Variants in TLN2 observed in about 807,000 individuals in gnomAD.
TLN2 encodes the protein talin 2, also known as talin-2.
In TLN2, 118 loss-of-function variants were observed where a neutral mutation model predicts 294.7. That is an observed-to-expected ratio of 0.40 (90% CI 0.34 to 0.47). The LOEUF (loss-of-function observed/expected upper bound fraction) is 0.47. Among genes scored for constraint, TLN2 ranks in the 20% least tolerant of loss-of-function variants. The pLI is 0.84. For synonymous variants in TLN2, 1,431 were observed against 1,304.5 expected, an observed-to-expected ratio of 1.10 and a Z score of -2.09; for missense variants, 3,083 against 3,282.2, an observed-to-expected ratio of 0.94 and a Z score of 1.48.
chr15:62,427,968 T>C (rs900462557), intron 1 of TLN2, among the ~76,000 whole-genome samples: 3 of 152,196 alleles, frequency 2.0e-5, no homozygotes. Context: ...ATATGACACA[T>C]ATCTTCCTCA....
chr15:62,493,092 G>A lies in TLN2; in HGVS notation c.-237-96595G>A, dbSNP rs1325503841. Among the ~76,000 whole-genome samples, 3 of 152,140 alleles carry A rather than the reference G, an allele frequency of 2.0e-5. No homozygotes were observed. In the South Asian group the frequency reaches 6.2e-4, roughly 32 times the overall value. ...TGGGGGTGCTTGGTCGGATGTTCAT[G>A]GTTCAGGGAGGGACAGATGAAGGGC... On this transcript the variant is annotated intron_variant, in intron 1 of 58. Transcript: ENST00000636159.
At chr15:62,730,223 G>A (rs954809593) in intron 28 of TLN2, among the ~76,000 whole-genome samples, 7 of 151,904 alleles carry the variant, frequency 4.6e-5, no homozygotes, top group Admixed American at 2.0e-4. Flanking sequence ...TGTATTTTTA[G>A]TAGAGACGGG....
At chr15:62,638,777 G>C (rs575321330) in intron 3 of TLN2, among the ~76,000 whole-genome samples, 1 of 152,166 alleles carries the variant, frequency 6.6e-6, no homozygotes, top group East Asian at 1.9e-4. Context: ...TCTGTGTCAG[G>C]TACTTTATTG....
At chr15:62,629,009 C>T (rs1416622480) in intron 3 of TLN2, among the ~76,000 whole-genome samples, 4 of 151,968 alleles carry the variant, frequency 2.6e-5, no homozygotes, top group African/African-American at 7.3e-5. Context: ...CCAGCCTGGA[C>T]AATGTAGTGA....
At chr15:62,728,170 A>G (rs1432317392) in intron 28 of TLN2, among the ~76,000 whole-genome samples, 1 of 152,144 alleles carries the variant, frequency 6.6e-6, no homozygotes, top group African/African-American at 2.4e-5. Context: ...TTAAACGCTC[A>G]TGGCTTTTAA....
chr15:62,778,326 G>A (rs1211861088), intron 43 of TLN2, among the ~76,000 whole-genome samples: 6 of 152,082 alleles, frequency 3.9e-5, no homozygotes, highest in East Asian at 1.9e-4. Flanking sequence ...CCTCTTCTGC[G>A]GGCCCTTGGA....
chr15:62,544,878 A>G (rs2041903049), intron 1 of TLN2, among the ~76,000 whole-genome samples: 1 of 151,872 alleles, frequency 6.6e-6, no homozygotes, highest in African/African-American at 2.4e-5. Context: ...GTGGCAACAC[A>G]TTGATTGTGT....
chr15:62,543,991 A>T (rs1030323235), intron 1 of TLN2, among the ~76,000 whole-genome samples: 1 of 152,084 alleles, frequency 6.6e-6, no homozygotes, highest in African/African-American at 2.4e-5. Context: ...AGTAGGGCCC[A>T]TGAGGTCCTT....
chr15:62,698,675 G>A (rs1408763030), intron 15 of TLN2, 79 bp from the exon 16 acceptor site: 2 of 1,190,904 alleles, frequency 1.7e-6, no homozygotes, highest in Non-Finnish European at 2.5e-6. Context: ...GCAGAGTTCT[G>A]TTTTGCTTTG....
At chr15:62,424,739 G>T (rs1301801593) in intron 1 of TLN2, among the ~76,000 whole-genome samples, 1 of 151,896 alleles carries the variant, frequency 6.6e-6, no homozygotes, top group Admixed American at 6.6e-5. Flanking sequence ...TGCAATCTCT[G>T]CCTCCCTGGT....
chr15:62,615,801 T>C (rs991995495), intron 2 of TLN2, among the ~76,000 whole-genome samples: 11 of 152,216 alleles, frequency 7.2e-5, no homozygotes, highest in African/African-American at 2.7e-4. Context: ...TGAATAATAT[T>C]GCCATATTGA....
chr15:62,826,619 GCA>G lies in TLN2; in HGVS notation c.7002+6012_7002+6013del, dbSNP rs1162054403. On this transcript the variant is annotated intron_variant, in intron 54 of 58. Coordinates refer to ENST00000636159, the MANE Select transcript of TLN2 (RefSeq NM_015059.3). ...CAGAGGAGAAGCTGATCTAACCTTT[GCA>G]CAGTTTGGGGCTTTGCATACAGGCT... Among the ~76,000 whole-genome samples, 7 of 152,178 alleles carry G rather than the reference GCA, an allele frequency of 4.6e-5. No homozygotes were observed. The East Asian group carries it at 5.8e-4, about 13-fold the overall frequency.
rs58523803 is a variant in TLN2 at position 62,570,903 on chromosome 15, C to CTGTGTGTG, written c.-237-18750_-237-18743dup. Among the ~76,000 whole-genome samples the CTGTGTGTG allele has an allele frequency of 5.7e-3, 822 of 143,894 alleles. 3 individuals are homozygous for CTGTGTGTG. Among genetic ancestry groups the CTGTGTGTG allele is most frequent in the Middle Eastern group, 0.011 (3 of 274 alleles). 94.4% of individuals were successfully genotyped at this position (143,894 alleles called of 152,430 possible). On this transcript the variant is annotated intron_variant, in intron 1 of 58. Transcript: ENST00000636159. The stretch of plus-strand genomic sequence containing the variant: ...GGAAGAAGCTTCCATGCACAGGCAT[C>CTGTGTGTG]TGTGTGTGTGTGTGTGTGTGTGTGT...
At chr15:62,725,463 C>G (rs372257722) in intron 27 of TLN2, among the ~76,000 whole-genome samples, 2 of 152,212 alleles carry the variant, frequency 1.3e-5, no homozygotes, top group Admixed American at 1.3e-4. Flanking sequence ...GGATGGACAA[C>G]GGCAAAGTGC....
At chr15:62,657,192 G>GGGA (rs2053319583) in intron 8 of TLN2, among the ~76,000 whole-genome samples, 1 of 151,808 alleles carries the variant, frequency 6.6e-6, no homozygotes, top group Non-Finnish European at 1.5e-5. Context: ...TGGAGAAACT[G>GGGA]GGAGGAGGAG....
intron 9 of TLN2, among the ~76,000 whole-genome samples, chr15:62,658,418 G>T (rs2053462414): frequency 6.6e-6 from 1 of 152,216 alleles, no homozygotes; most frequent in Non-Finnish European, 1.5e-5. Flanking sequence ...GTTGGGACCA[G>T]AGTATGCCTT....
intron 1 of TLN2, among the ~76,000 whole-genome samples, chr15:62,519,103 T>C (rs1315655313): frequency 6.6e-6 from 1 of 152,150 alleles, no homozygotes; most frequent in Admixed American, 6.5e-5. Context: ...TTGCCCAGGG[T>C]CATAGACCTC....
intron 12 of TLN2, among the ~76,000 whole-genome samples, chr15:62,691,606 C>G (rs1285062369): frequency 6.6e-6 from 1 of 152,158 alleles, no homozygotes; most frequent in African/African-American, 2.4e-5. Context: ...GATGATCTGT[C>G]ATTCATATTG....
chr15:62,599,604 A>G (rs1324113514), intron 2 of TLN2, among the ~76,000 whole-genome samples: 4 of 152,212 alleles, frequency 2.6e-5, no homozygotes, highest in African/African-American at 9.7e-5. Flanking sequence ...AACATCAGTG[A>G]AGTTTACAAA....
Sources: allele counts gnomAD v4.1 joint callset (sites outside exome capture counted in the v4.1 genomes callset), GRCh38; gene constraint gnomAD v4.1.1; transcripts MANE v1.5; gene names NCBI Gene and HGNC (gene_info 2026-07-23, HGNC 2026-07-21).